The following MEF2C variants were observed in gnomAD, a reference collection of about 807,000 sequenced individuals.
MEF2C encodes myocyte-specific enhancer factor 2C.
In MEF2C, 6 loss-of-function variants were observed where a neutral mutation model predicts 50.5. That is an observed-to-expected ratio of 0.12 (90% confidence interval 0.07 to 0.23). The LOEUF (loss-of-function observed/expected upper bound fraction) is 0.23, where lower values mean the gene tolerates loss of function less well. Among genes scored for constraint, MEF2C ranks in the 10% least tolerant of loss-of-function variants. The pLI is 1.00. For missense variants in MEF2C, 276 were observed against 605.0 expected (o/e 0.46, Z 5.70); for synonymous variants, 183 against 228.0 (o/e 0.80, Z 1.78).
At chr5:88,816,229 C>G (rs371091231) in intron 2 of MEF2C, among the ~76,000 whole-genome samples, 1 of 151,898 alleles carries the variant, frequency 6.6e-6, no homozygotes, top group East Asian at 1.9e-4. Flanking sequence ...ATGAGATTGA[C>G]GGGAGTTGGA....
At chr5:88,797,958 T>G (rs1232329181) in intron 3 of MEF2C, among the ~76,000 whole-genome samples, 2 of 152,244 alleles carry the variant, frequency 1.3e-5, no homozygotes, top group Admixed American at 1.3e-4. Flanking sequence ...TCTTTAAGAA[T>G]GTTGAATATT....
At chr5:88,882,385 T>C (rs1833180070) in intron 1 of MEF2C, among the ~76,000 whole-genome samples, 1 of 152,190 alleles carries the variant, frequency 6.6e-6, no homozygotes. Flanking sequence ...TCCACACCAA[T>C]TAAGAAGCCC....
chr5:88,762,496 T>C (rs1269878596), intron 3 of MEF2C, among the ~76,000 whole-genome samples: 5 of 152,030 alleles, frequency 3.3e-5, no homozygotes, highest in African/African-American at 1.2e-4. Context: ...TCAAATTCCT[T>C]GCCTCATGTG....
chr5:88,892,810 G>A (rs1322090594), intron 1 of MEF2C, among the ~76,000 whole-genome samples: 1 of 152,130 alleles, frequency 6.6e-6, no homozygotes, highest in Non-Finnish European at 1.5e-5. Context: ...GATATCTTCA[G>A]TCTCCCCCTA....
chr5:88,750,207 A>AT (rs747771242), intron 5 of MEF2C: 45,185 of 383,170 alleles, frequency 0.12, 725 homozygotes, highest in Middle Eastern at 0.17. Context: ...TATATACACG[A>AT]TTTTTTTTTT....
At position 88,722,679 on chromosome 5, in the gene MEF2C, G is replaced by A; in HGVS notation, c.1347C>T (p.Leu449=). The change falls in exon 11 of 11, where the codon CTC becomes CTT. Residue 449 remains leucine, a synonymous_variant. Transcript: ENST00000504921. ...HRNEFHSPIG[L]TRPSPDERES... is the part of the protein sequence containing the mutation. Reference sequence around the variant, plus strand: ...CCCTTTCGTCCGGCGAAGGTCTGGTGAGTCCAATGGGGGAGTGGAATTCGT... The same window carrying A: ...CCCTTTCGTCCGGCGAAGGTCTGGTAAGTCCAATGGGGGAGTGGAATTCGT... 1 of 1,613,924 alleles carries A rather than the reference G, an allele frequency of 6.2e-7. No individual in the cohort carries two copies. The highest frequency in any genetic ancestry group is 8.5e-7 in the Non-Finnish European group (1 of 1,179,888).
intron 3 of MEF2C, among the ~76,000 whole-genome samples, chr5:88,777,663 G>T (rs1785450430): frequency 6.6e-6 from 1 of 152,036 alleles, no homozygotes; most frequent in Non-Finnish European, 1.5e-5. Context: ...TTTCATAAAG[G>T]GATGTGTTTG....
chr5:88,863,255 C>A (rs1007278275), intron 1 of MEF2C, among the ~76,000 whole-genome samples: 1 of 152,174 alleles, frequency 6.6e-6, no homozygotes, highest in Non-Finnish European at 1.5e-5. Flanking sequence ...TATTCAACTC[C>A]CTCATCAGAC....
At chr5:88,744,166 G>A (rs996079301) in intron 6 of MEF2C, 5 of 982,450 alleles carry the variant, frequency 5.1e-6, no homozygotes, top group Non-Finnish European at 4.8e-6. Context: ...ACAAGGCATT[G>A]CTCTGCTAAT....
intron 1 of MEF2C, 47 bp downstream of exon 1, chr5:88,882,908 C>A (rs181835753): frequency 6.6e-6 from 1 of 151,886 alleles, no homozygotes; most frequent in African/African-American, 2.4e-5. Flanking sequence ...ATTTTAGAGA[C>A]AATACCCGGG....
chr5:88,728,425 T>C (rs1484596676), intron 10 of MEF2C, 68 bp downstream of exon 10: 2 of 1,219,808 alleles, frequency 1.6e-6, no homozygotes, highest in East Asian at 5.9e-5. Flanking sequence ...GAAGCACATA[T>C]TTAGAGACTG....
At chr5:88,839,963 A>G (rs1384858731) in intron 1 of MEF2C, among the ~76,000 whole-genome samples, 1 of 152,178 alleles carries the variant, frequency 6.6e-6, no homozygotes, top group Non-Finnish European at 1.5e-5. Flanking sequence ...AAAAAAGAGA[A>G]AAAAATCTTT....
At chr5:88,757,840 T>G (rs1200777438) in intron 4 of MEF2C, among the ~76,000 whole-genome samples, 1 of 152,026 alleles carries the variant, frequency 6.6e-6, no homozygotes, top group East Asian at 1.9e-4. Flanking sequence ...CACTTGAACA[T>G]GGGAGGCGGA....
intron 4 of MEF2C, chr5:88,752,715 T>C: frequency 2.0e-6 from 2 of 985,458 alleles, no homozygotes; most frequent in South Asian, 9.4e-5. Flanking sequence ...ATCTCAATTG[T>C]GAAAGTTGGC....
At chr5:88,841,467 A>G (rs1461452127) in intron 1 of MEF2C, among the ~76,000 whole-genome samples, 1 of 151,528 alleles carries the variant, frequency 6.6e-6, no homozygotes, top group African/African-American at 2.4e-5. Context: ...TGGTTGCACA[A>G]CTGCACCTCA....
In MEF2C at chr5:88,721,925, C is replaced by G. The variant is rs183382891; in HGVS notation, c.*679G>C. The G allele has an allele frequency of 2.0e-5, 3 of 152,634 alleles. No homozygotes were observed. Among genetic ancestry groups the G allele is most frequent in the Admixed American group, 2.0e-4 (3 of 15,280 alleles). The allele number at this position is 152,634 out of a possible 1,614,324, so 9.5% of individuals were successfully genotyped here. ...ATGAAAATAAGCAAAATGTAATGTA[C>G]ATATTTTTATATTTTTATTTAATAA... On this transcript the variant is annotated 3_prime_UTR_variant, in exon 11 of 11. Transcript: ENST00000504921.
chr5:88,835,288 T>C (rs1416306279), intron 1 of MEF2C, among the ~76,000 whole-genome samples: 1 of 152,210 alleles, frequency 6.6e-6, no homozygotes, highest in African/African-American at 2.4e-5. Flanking sequence ...TAGGTTGATT[T>C]ATTTCATCTC....
intron 6 of MEF2C, chr5:88,734,090 G>A (rs540970852): frequency 2.0e-6 from 2 of 984,920 alleles, no homozygotes; most frequent in Admixed American, 6.2e-5. Context: ...AAAATGGAGT[G>A]CTTAGAGGAG....
intron 3 of MEF2C, among the ~76,000 whole-genome samples, chr5:88,797,455 CTT>C (rs879036291): frequency 7.1e-4 from 45 of 63,290 alleles, no homozygotes; most frequent in African/African-American, 2.9e-3. Context: ...CAACCCTTGC[CTT>C]TTTTTTTTTT....
Sources: allele counts gnomAD v4.1 joint callset (sites outside exome capture counted in the v4.1 genomes callset), GRCh38; gene constraint gnomAD v4.1.1; transcripts MANE v1.5; gene names NCBI Gene and HGNC (gene_info 2026-07-23, HGNC 2026-07-21).